The following CNTN5 variants were observed in gnomAD, a reference collection of about 807,000 sequenced individuals.
CNTN5 encodes the protein contactin-5.
CNTN5 carries 77 observed loss-of-function variants against 129.1 expected under a neutral mutation model. The observed-to-expected ratio is 0.60, with a 90% CI of 0.50 to 0.72. The LOEUF is 0.72. Ranked by LOEUF, CNTN5 falls within the 30% of genes least tolerant of loss-of-function variation. The pLI is 0.00. For synonymous variants in CNTN5, 509 were observed against 465.6 expected, an observed-to-expected ratio of 1.09 and a Z score of -1.20; for missense variants, 1,478 against 1,328.8, an observed-to-expected ratio of 1.11 and a Z score of -1.75.
At chr11:99,712,088 A>G (rs1374197943) in intron 3 of CNTN5, among the ~76,000 whole-genome samples, 1 of 151,768 alleles carries the variant, frequency 6.6e-6, no homozygotes, top group Non-Finnish European at 1.5e-5. Flanking sequence ...ACTAATTTAC[A>G]CTCCCACCAA....
At chr11:99,654,004 G>A (rs1446245607) in intron 3 of CNTN5, among the ~76,000 whole-genome samples, 1 of 151,668 alleles carries the variant, frequency 6.6e-6, no homozygotes, top group Non-Finnish European at 1.5e-5. Flanking sequence ...CCATCAAGTT[G>A]TTTAAGTACA....
Position 100,133,936 on chromosome 11 carries a change from A to G in CNTN5, c.1581-57190A>G, listed in dbSNP as rs181494087. ...TGATTATTTTTTAATGATACCAAAGATGGATTTATAGATGGAAGAACCAGG... is the reference window on the plus strand; with the variant it reads ...TGATTATTTTTTAATGATACCAAAGGTGGATTTATAGATGGAAGAACCAGG... On this transcript the variant is annotated intron_variant, in intron 13 of 24. Coordinates refer to ENST00000524871, the MANE Select transcript of CNTN5 (RefSeq NM_014361.4). Among the ~76,000 whole-genome samples, 342 of 152,266 alleles carry G rather than the reference A, an allele frequency of 2.2e-3. 1 individual carries two copies. Among genetic ancestry groups the G allele is most frequent in the African/African-American group, 7.2e-3 (300 of 41,568 alleles).
At chr11:100,063,984 T>A (rs1053305227) in intron 10 of CNTN5, among the ~76,000 whole-genome samples, 1 of 152,180 alleles carries the variant, frequency 6.6e-6, no homozygotes, top group Non-Finnish European at 1.5e-5. Context: ...TTCCTCCCCA[T>A]CAAACTCTGT....
chr11:100,035,216 T>G (rs1591095535), intron 9 of CNTN5, among the ~76,000 whole-genome samples: 1 of 151,708 alleles, frequency 6.6e-6, no homozygotes, highest in Non-Finnish European at 1.5e-5. Context: ...TGAGAACATG[T>G]GTGTTTGGGT....
intron 8 of CNTN5, among the ~76,000 whole-genome samples, chr11:99,958,445 A>G (rs1327667428): frequency 6.6e-6 from 1 of 152,188 alleles, no homozygotes; most frequent in Non-Finnish European, 1.5e-5. Context: ...GTTAAAAATG[A>G]GGAATTCAGT....
At chr11:99,322,187 C>T (rs1279008488) in intron 1 of CNTN5, among the ~76,000 whole-genome samples, 1 of 152,082 alleles carries the variant, frequency 6.6e-6, no homozygotes, top group Non-Finnish European at 1.5e-5. Context: ...TTGCGCCAGA[C>T]TTGGTCTCTT....
At chr11:99,680,415 A>T (rs767951238) in intron 3 of CNTN5, among the ~76,000 whole-genome samples, 1 of 152,186 alleles carries the variant, frequency 6.6e-6, no homozygotes, top group Non-Finnish European at 1.5e-5. Context: ...ACCTCTTAAA[A>T]GTTAGGCTAA....
chr11:99,114,991 C>A (rs909511748), intron 1 of CNTN5, among the ~76,000 whole-genome samples: 6 of 152,284 alleles, frequency 3.9e-5, no homozygotes, highest in African/African-American at 1.4e-4. Flanking sequence ...AGAAGAGGCT[C>A]AAGAGAGCTC....
At chr11:99,366,304 C>T (rs1159907021) in intron 2 of CNTN5, among the ~76,000 whole-genome samples, 1 of 152,082 alleles carries the variant, frequency 6.6e-6, no homozygotes, top group Admixed American at 6.6e-5. Context: ...ACCTTCACAC[C>T]CCTTCATTCC....
chr11:99,700,865 G>T (rs1359950698), intron 3 of CNTN5, among the ~76,000 whole-genome samples: 1 of 151,168 alleles, frequency 6.6e-6, no homozygotes, highest in African/African-American at 2.4e-5. Flanking sequence ...AAGATTTGCT[G>T]TAATTCTCCC....
chr11:99,725,119 T>C (rs2135054838), intron 3 of CNTN5, among the ~76,000 whole-genome samples: 1 of 152,290 alleles, frequency 6.6e-6, no homozygotes, highest in East Asian at 1.9e-4. Context: ...TCTGTGTAAT[T>C]AGATGTGAAA....
At position 100,317,050 on chromosome 11, in the gene CNTN5, T is replaced by TTA. The variant is rs1951585352; in HGVS notation, c.2730+8583_2730+8584insAT. On this transcript the variant is annotated intron_variant, in intron 21 of 24. Coordinates refer to ENST00000524871, the MANE Select transcript of CNTN5 (RefSeq NM_014361.4). ...GAGGATATGCAACTCAGAAGTTCAT[T>TTA]TTAGACATGTCACTAAAGCCATTTC... Among the ~76,000 whole-genome samples the TTA allele has an allele frequency of 3.9e-5, 6 of 152,242 alleles. No homozygotes were observed. The South Asian group carries it at 1.2e-3, about 32-fold the overall frequency.
At chr11:99,421,757 T>A (rs1942898295) in intron 2 of CNTN5, among the ~76,000 whole-genome samples, 1 of 152,192 alleles carries the variant, frequency 6.6e-6, no homozygotes, top group South Asian at 2.1e-4. Context: ...GTTTGCTTTG[T>A]AAGTTTAATT....
chr11:99,973,227 A>G (rs961852723), intron 8 of CNTN5, among the ~76,000 whole-genome samples: 18 of 152,278 alleles, frequency 1.2e-4, no homozygotes, highest in African/African-American at 4.3e-4. Context: ...GAAACGTCTG[A>G]CATTTTATCT....
At chr11:99,853,733 T>C (rs549146135) in intron 6 of CNTN5, among the ~76,000 whole-genome samples, 9 of 152,248 alleles carry the variant, frequency 5.9e-5, no homozygotes, top group African/African-American at 2.2e-4. Flanking sequence ...AACATTTAAA[T>C]TGTAGGCCAA....
intron 13 of CNTN5, among the ~76,000 whole-genome samples, chr11:100,115,397 A>G (rs940208585): frequency 6.6e-6 from 1 of 152,128 alleles, no homozygotes. Context: ...AAGGGCATCT[A>G]CAAACACACA....
chr11:99,626,601 A>C (rs1239694513), intron 3 of CNTN5, among the ~76,000 whole-genome samples: 1 of 152,130 alleles, frequency 6.6e-6, no homozygotes, highest in Non-Finnish European at 1.5e-5. Context: ...TTCTGCATGT[A>C]ATTGCAAACA....
chr11:99,503,528 G>C (rs1483743669), intron 2 of CNTN5, among the ~76,000 whole-genome samples: 1 of 152,190 alleles, frequency 6.6e-6, no homozygotes, highest in Non-Finnish European at 1.5e-5. Context: ...AATGCTGTGA[G>C]TGTGAAACAA....
chr11:99,559,076 C>T (rs1289003357), intron 3 of CNTN5, among the ~76,000 whole-genome samples: 1 of 152,064 alleles, frequency 6.6e-6, no homozygotes, highest in East Asian at 1.9e-4. Flanking sequence ...TTAATGCTTA[C>T]ACTCTATATT....
Sources: gnomAD v4.1 joint callset for allele counts (sites outside exome capture counted in the v4.1 genomes callset) on GRCh38, gnomAD v4.1.1 for gene constraint, MANE v1.5 for transcripts, NCBI Gene and HGNC (gene_info 2026-07-23, HGNC 2026-07-21) for gene names.